MINDY2: variants seen among roughly 807,000 people sequenced by gnomAD.
MINDY2 encodes MINDY lysine 48 deubiquitinase 2, also known as ubiquitin carboxyl-terminal hydrolase MINDY-2.
Under a neutral mutation model 68.2 loss-of-function variants are expected in MINDY2, and 52 were observed. The ratio of observed to expected loss-of-function variants is 0.76; its 90% confidence interval spans 0.61 to 0.96. The LOEUF is 0.96. Ranked by LOEUF, MINDY2 falls within the 40% of genes least tolerant of loss-of-function variation. The pLI is 0.00. For missense variants in MINDY2, 881 were observed against 773.4 expected (o/e 1.14, Z -1.65); for synonymous variants, 372 against 303.0 (o/e 1.23, Z -2.36).
In MINDY2 at chr15:58,856,739, G is replaced by A. The variant is rs570294254; in HGVS notation, c.*2129G>A. On this transcript the variant is annotated 3_prime_UTR_variant, in exon 9 of 9. Coordinates refer to ENST00000559228, the MANE Select transcript of MINDY2 (RefSeq NM_001040450.3). ...AAACCTCAGGGTTTGTTTTTCCCGG[G>A]ACAGATAGTAGTGATAGTGCATTAT... 2.6e-5 allele frequency: 4 copies of A among 152,262 alleles called. No individual in the cohort carries two copies. The highest frequency in any genetic ancestry group is 9.6e-5 in the African/African-American group (4 of 41,544). The allele number at this position is 152,262 out of a possible 1,614,324, so 9.4% of individuals were successfully genotyped here.
rs145856729 is a variant in MINDY2 at position 58,797,076 on chromosome 15, G to C, written c.899-5237G>C. Among the ~76,000 whole-genome samples the C allele has an allele frequency of 4.6e-5, 7 of 152,168 alleles. No homozygotes were observed. In the East Asian group the frequency reaches 1.4e-3, roughly 29 times the overall value. ...TGTGGTTATTGAGTCCTTGAAATGT[G>C]GCCAGTGTGAATTGAGATGTTCTGT... On this transcript the variant is annotated intron_variant, in intron 2 of 8. Coordinates refer to ENST00000559228, the MANE Select transcript of MINDY2 (RefSeq NM_001040450.3).
chr15:58,774,133 C>G (rs1239103063), intron 1 of MINDY2, among the ~76,000 whole-genome samples: 1 of 152,196 alleles, frequency 6.6e-6, no homozygotes, highest in Non-Finnish European at 1.5e-5. Context: ...TCAATTCAGA[C>G]AGATTCAAGT....
chr15:58,813,311 A>G lies in MINDY2; in HGVS notation c.1122+2923A>G, dbSNP rs764770913. On this transcript the variant is annotated intron_variant, in intron 4 of 8. Coordinates refer to ENST00000559228, the MANE Select transcript of MINDY2 (RefSeq NM_001040450.3). ...GGAGTTCGAGACCAGCCTGGCCAAC[A>G]TGGCGAAACCCCATCTCTACTAAAA... 5.9e-4 allele frequency among the ~76,000 whole-genome samples: 90 copies of G among 152,140 alleles called. 1 individual carries two copies. The highest frequency in any genetic ancestry group is 2.0e-4 in the Admixed American group (3 of 15,282).
chr15:58,846,283 A>T lies in MINDY2; in HGVS notation c.1369-1014A>T, dbSNP rs1049130278. Among the ~76,000 whole-genome samples the T allele has an allele frequency of 2.6e-5, 4 of 152,308 alleles. No individual in the cohort carries two copies. In the East Asian group the frequency reaches 7.7e-4, roughly 29 times the overall value. On this transcript the variant is annotated intron_variant, in intron 6 of 8. Coordinates refer to ENST00000559228, the MANE Select transcript of MINDY2 (RefSeq NM_001040450.3). ...ATTTACCCTCATGTGATTATTATGC[A>T]TTGCATGCCTGTATCAAAATACCAT...
chr15:58,791,906 G>A (rs553707888), intron 2 of MINDY2, among the ~76,000 whole-genome samples: 6 of 152,122 alleles, frequency 3.9e-5, no homozygotes, highest in African/African-American at 1.2e-4. Flanking sequence ...GTGATTAGAA[G>A]GTGGGGAAGG....
At chr15:58,788,667 C>T (rs548373305) in intron 2 of MINDY2, among the ~76,000 whole-genome samples, 1 of 152,312 alleles carries the variant, frequency 6.6e-6, no homozygotes, top group South Asian at 2.1e-4. Context: ...TTTATACTAT[C>T]ACCAAATAGG....
intron 2 of MINDY2, among the ~76,000 whole-genome samples, chr15:58,792,083 A>G (rs1391693355): frequency 6.6e-6 from 1 of 152,222 alleles, no homozygotes; most frequent in East Asian, 1.9e-4. Flanking sequence ...ATTTAGCCAT[A>G]AGGAGGTCAT....
intron 1 of MINDY2, 74 bp downstream of exon 1, chr15:58,772,309 C>T: frequency 6.4e-7 from 1 of 1,574,784 alleles, no homozygotes. Flanking sequence ...TGCTGCATGT[C>T]AGGTGATGGC....
chr15:58,785,540 A>G (rs1031961642), intron 1 of MINDY2, among the ~76,000 whole-genome samples: 1 of 147,514 alleles, frequency 6.8e-6, no homozygotes, highest in Non-Finnish European at 1.5e-5. Flanking sequence ...CTGTGTTCCA[A>G]AAAAACGTTT....
At chr15:58,849,012 C>T (rs1403933490) in intron 7 of MINDY2, among the ~76,000 whole-genome samples, 2 of 151,828 alleles carry the variant, frequency 1.3e-5, no homozygotes, top group African/African-American at 4.8e-5. Flanking sequence ...GAGTTCAAGA[C>T]CAGCCTGGCC....
chr15:58,844,795 T>C (rs1317040487), intron 6 of MINDY2, among the ~76,000 whole-genome samples: 1 of 150,072 alleles, frequency 6.7e-6, no homozygotes, highest in Non-Finnish European at 1.5e-5. Context: ...TGTGCTCCTA[T>C]AGTTGCAGCT....
At chr15:58,819,581 C>G (rs1425772584) in intron 4 of MINDY2, among the ~76,000 whole-genome samples, 1 of 152,170 alleles carries the variant, frequency 6.6e-6, no homozygotes, top group Non-Finnish European at 1.5e-5. Flanking sequence ...CTCCCGGCCT[C>G]AAGATACCCT....
chr15:58,812,294 G>A (rs1489663142), intron 4 of MINDY2, among the ~76,000 whole-genome samples: 8 of 151,940 alleles, frequency 5.3e-5, no homozygotes, highest in Admixed American at 2.6e-4. Flanking sequence ...AAAATTAGTC[G>A]GGTGCAGTGG....
At chr15:58,834,993 G>A (rs947866139) in intron 6 of MINDY2, among the ~76,000 whole-genome samples, 1 of 152,088 alleles carries the variant, frequency 6.6e-6, no homozygotes, top group East Asian at 1.9e-4. Context: ...ATTGATACAT[G>A]GTGAATACTG....
rs3985718 is a variant in MINDY2 at position 58,794,358 on chromosome 15, G to GGTGTGTGTGT, written c.898+6424_898+6433dup. Among the ~76,000 whole-genome samples the GGTGTGTGTGT allele has an allele frequency of 5.6e-3, 785 of 139,160 alleles. 7 individuals carry two copies. The highest frequency in any genetic ancestry group is 0.018 in the African/African-American group (663 of 36,566). 91.3% of individuals were successfully genotyped at this position (139,160 alleles called of 152,430 possible). A position where few individuals can be genotyped will look rare whatever the true frequency, so the allele number is the denominator to read the frequency against. On this transcript the variant is annotated intron_variant, in intron 2 of 8. Transcript: ENST00000559228. ...AAAGTAGAATAAAAGTTTTTTTTGG[G>GGTGTGTGTGT]GTGTGTGTGTGTGTGTGTGTGTGTG...
chr15:58,793,358 G>A (rs369293141), intron 2 of MINDY2, among the ~76,000 whole-genome samples: 3 of 152,246 alleles, frequency 2.0e-5, no homozygotes, highest in Admixed American at 6.5e-5. Flanking sequence ...AAACTGAGGA[G>A]GAGAATCGCT....
chr15:58,779,442 A>G (rs1900992261), intron 1 of MINDY2, among the ~76,000 whole-genome samples: 1 of 151,994 alleles, frequency 6.6e-6, no homozygotes, highest in South Asian at 2.1e-4. Context: ...CCTAGTTTCC[A>G]TCTAGGTTAT....
chr15:58,791,269 G>A (rs1901892381), intron 2 of MINDY2, among the ~76,000 whole-genome samples: 2 of 107,140 alleles, frequency 1.9e-5, no homozygotes, highest in Non-Finnish European at 4.4e-5. Flanking sequence ...TGAGTTCAGA[G>A]GAGAGGTCTG....
chr15:58,828,934 A>C (rs1423573138), intron 5 of MINDY2, among the ~76,000 whole-genome samples: 1 of 152,228 alleles, frequency 6.6e-6, no homozygotes, highest in African/African-American at 2.4e-5. Flanking sequence ...ATTTATTTTC[A>C]TGAATAATAC....
Sources: gnomAD v4.1 joint callset for allele counts (sites outside exome capture counted in the v4.1 genomes callset) on GRCh38, gnomAD v4.1.1 for gene constraint, MANE v1.5 for transcripts, NCBI Gene and HGNC (gene_info 2026-07-23, HGNC 2026-07-21) for gene names.